ARHGAP24: variants seen among roughly 807,000 people sequenced by gnomAD.
ARHGAP24 encodes Rho GTPase activating protein 24, also known as rho GTPase-activating protein 24.
Under a neutral mutation model 76.4 loss-of-function variants are expected in ARHGAP24, and 50 were observed. That is an observed-to-expected ratio of 0.65 (90% CI 0.52 to 0.83). The LOEUF (loss-of-function observed/expected upper bound fraction) is 0.83. ARHGAP24 is among the 40% of genes least tolerant of loss of function. The pLI, the probability that ARHGAP24 is intolerant of heterozygous loss-of-function variation, is 0.00. For missense variants in ARHGAP24, 930 were observed against 914.2 expected (o/e 1.02, Z -0.22); for synonymous variants, 345 against 323.3 (o/e 1.07, Z -0.72).
chr4:85,691,491 C>T (rs916999537), intron 2 of ARHGAP24, among the ~76,000 whole-genome samples: 7 of 152,114 alleles, frequency 4.6e-5, no homozygotes, highest in African/African-American at 1.7e-4. Context: ...TTTCATAGGT[C>T]AAGAAGGATT....
At chr4:85,877,024 T>C (rs1414991324) in intron 3 of ARHGAP24, among the ~76,000 whole-genome samples, 1 of 152,218 alleles carries the variant, frequency 6.6e-6, no homozygotes, top group Non-Finnish European at 1.5e-5. Flanking sequence ...AGGTTCAGTT[T>C]TCATGTAAAT....
At chr4:85,785,985 CT>C (rs34673338) in intron 3 of ARHGAP24, among the ~76,000 whole-genome samples, 23,515 of 149,662 alleles carry the variant, frequency 0.16, 1,952 homozygotes, top group South Asian at 0.21. Flanking sequence ...CCACTACTAC[CT>C]TTTTTTTTTA....
At chr4:85,956,840 A>G (rs973254337) in intron 5 of ARHGAP24, among the ~76,000 whole-genome samples, 4 of 152,182 alleles carry the variant, frequency 2.6e-5, no homozygotes, top group South Asian at 2.1e-4. Context: ...CTCCAGCCCT[A>G]ACAAACACGG....
At chr4:85,545,161 G>A (rs758424957) in intron 1 of ARHGAP24, among the ~76,000 whole-genome samples, 12 of 151,814 alleles carry the variant, frequency 7.9e-5, no homozygotes, top group Admixed American at 2.0e-4. Flanking sequence ...ATGCAATGGC[G>A]CGATCTCTGC....
chr4:85,581,150 C>A (rs1452341928), intron 2 of ARHGAP24, among the ~76,000 whole-genome samples: 1 of 151,930 alleles, frequency 6.6e-6, no homozygotes, highest in Non-Finnish European at 1.5e-5. Flanking sequence ...GAGCTAGGTA[C>A]CTTGCCATAT....
intron 9 of ARHGAP24, among the ~76,000 whole-genome samples, chr4:85,997,078 C>G (rs1297409874): frequency 6.6e-6 from 1 of 152,158 alleles, no homozygotes; most frequent in African/African-American, 2.4e-5. Flanking sequence ...TTCTTACCCT[C>G]ATGACAGGCC....
intron 4 of ARHGAP24, among the ~76,000 whole-genome samples, chr4:85,927,893 T>G (rs1736101402): frequency 3.9e-5 from 6 of 152,336 alleles, no homozygotes; most frequent in Admixed American, 3.9e-4. Flanking sequence ...AGGAGACACC[T>G]GAGGAGCTTG....
intron 2 of ARHGAP24, among the ~76,000 whole-genome samples, chr4:85,691,859 T>A (rs1723673934): frequency 6.6e-6 from 1 of 152,204 alleles, no homozygotes; most frequent in African/African-American, 2.4e-5. Context: ...TATTTATATG[T>A]AAAGTTTTGA....
At chr4:85,769,339 C>G (rs1203309490) in intron 3 of ARHGAP24, among the ~76,000 whole-genome samples, 1 of 152,130 alleles carries the variant, frequency 6.6e-6, no homozygotes, top group East Asian at 1.9e-4. Context: ...TTTTCTTAAC[C>G]ATCTGATAAG....
intron 2 of ARHGAP24, among the ~76,000 whole-genome samples, chr4:85,703,049 A>G (rs993654731): frequency 6.6e-6 from 1 of 151,982 alleles, no homozygotes; most frequent in African/African-American, 2.4e-5. Context: ...AAATGAATAT[A>G]AAAGAAACTA....
intron 3 of ARHGAP24, among the ~76,000 whole-genome samples, chr4:85,832,759 A>G (rs946505169): frequency 6.6e-6 from 1 of 152,228 alleles, no homozygotes; most frequent in Admixed American, 6.5e-5. Context: ...GTTTAGGTGT[A>G]AAGTATGAAA....
At chr4:85,581,121 A>G (rs1248296516) in intron 2 of ARHGAP24, among the ~76,000 whole-genome samples, 2 of 152,158 alleles carry the variant, frequency 1.3e-5, no homozygotes, top group African/African-American at 2.4e-5. Flanking sequence ...AACTTGAAAT[A>G]ATATTCTATA....
intron 3 of ARHGAP24, among the ~76,000 whole-genome samples, chr4:85,852,537 T>G (rs953688161): frequency 1.3e-5 from 2 of 152,202 alleles, no homozygotes; most frequent in African/African-American, 4.8e-5. Context: ...GCACTCTGGT[T>G]TTTAGAATTT....
At chr4:85,811,742 G>A (rs1443629253) in intron 3 of ARHGAP24, among the ~76,000 whole-genome samples, 1 of 152,152 alleles carries the variant, frequency 6.6e-6, no homozygotes, top group Non-Finnish European at 1.5e-5. Context: ...GGAAGATGCA[G>A]AGAAAAATCA....
intron 3 of ARHGAP24, among the ~76,000 whole-genome samples, chr4:85,887,629 C>T (rs140634247): frequency 5.5e-4 from 83 of 152,202 alleles, no homozygotes; most frequent in African/African-American, 1.8e-3. Flanking sequence ...TAGAAAAAGA[C>T]GCTAAATTAC....
At chr4:85,642,656 T>A (rs1256207310) in intron 2 of ARHGAP24, among the ~76,000 whole-genome samples, 1 of 151,894 alleles carries the variant, frequency 6.6e-6, no homozygotes, top group Non-Finnish European at 1.5e-5. Flanking sequence ...AACTTTAACA[T>A]TTCTTACACT....
Position 85,820,326 on chromosome 4 carries a change from C to T in ARHGAP24, c.268+98354C>T, listed in dbSNP as rs140819306. Among the ~76,000 whole-genome samples, 204 of 152,276 alleles carry T rather than the reference C, an allele frequency of 1.3e-3. 1 individual carries two copies. The highest frequency in any genetic ancestry group is 2.5e-3 in the Non-Finnish European group (167 of 68,006). ...GTCATGAAAAAGAGCAGGATCACAT[C>T]CTTTGCAGCAACACAGATGGAGCTG... is the stretch of plus-strand genomic sequence containing the variant. On this transcript the variant is annotated intron_variant, in intron 3 of 9. Transcript: ENST00000395184.
chr4:85,788,173 G>C (rs1256202546), intron 3 of ARHGAP24, among the ~76,000 whole-genome samples: 2 of 152,052 alleles, frequency 1.3e-5, no homozygotes, highest in Admixed American at 1.3e-4. Flanking sequence ...GATGACCACA[G>C]ACCAGATTCC....
At chr4:85,638,190 G>A (rs1318885630) in intron 2 of ARHGAP24, among the ~76,000 whole-genome samples, 1 of 152,100 alleles carries the variant, frequency 6.6e-6, no homozygotes, top group East Asian at 1.9e-4. Flanking sequence ...TGATGATTTA[G>A]CTAGAGAAAT....
Sources: allele counts gnomAD v4.1 joint callset (sites outside exome capture counted in the v4.1 genomes callset), GRCh38; gene constraint gnomAD v4.1.1; transcripts MANE v1.5; gene names NCBI Gene and HGNC (gene_info 2026-07-23, HGNC 2026-07-21).